The following ADAMTS19 variants were observed in gnomAD, a reference collection of about 807,000 sequenced individuals.
ADAMTS19 encodes ADAM metallopeptidase with thrombospondin type 1 motif 19, also known as A disintegrin and metalloproteinase with thrombospondin motifs 19.
ADAMTS19 carries 93 observed loss-of-function variants against 153.3 expected under a neutral mutation model. That is an observed-to-expected ratio of 0.61 (90% CI 0.51 to 0.72). ADAMTS19 has a LOEUF of 0.72. ADAMTS19 is among the 30% of genes least tolerant of loss of function. The pLI, the probability that ADAMTS19 is intolerant of heterozygous loss-of-function variation, is 0.00. For missense variants in ADAMTS19, 1,482 were observed against 1,552.1 expected (o/e 0.95, Z 0.76); for synonymous variants, 600 against 556.6 (o/e 1.08, Z -1.10).
intron 3 of ADAMTS19, among the ~76,000 whole-genome samples, chr5:129,515,844 T>C (rs975022279): frequency 6.6e-6 from 1 of 151,900 alleles, no homozygotes; most frequent in African/African-American, 2.4e-5. Flanking sequence ...GTGGAGAGAG[T>C]GGGCATCCTT....
chr5:129,649,540 AGTGGTTGCCAGGGATTAG>A (rs1380012752), intron 13 of ADAMTS19, among the ~76,000 whole-genome samples: 9 of 152,158 alleles, frequency 5.9e-5, no homozygotes, highest in African/African-American at 1.9e-4. Flanking sequence ...CATACAAATT[AGTGGTTGCCAGGGATTAG>A]GGATGGTGGT....
At chr5:129,570,722 G>T (rs1249385553) in intron 7 of ADAMTS19, among the ~76,000 whole-genome samples, 1 of 151,634 alleles carries the variant, frequency 6.6e-6, no homozygotes, top group Non-Finnish European at 1.5e-5. Context: ...TAACAGAAGA[G>T]AATCAAGTGG....
At chr5:129,573,551 T>G (rs998488283) in intron 7 of ADAMTS19, among the ~76,000 whole-genome samples, 5 of 152,050 alleles carry the variant, frequency 3.3e-5, no homozygotes, top group African/African-American at 9.7e-5. Flanking sequence ...GCTTCCCATA[T>G]CTATATATTT....
At position 129,620,313 on chromosome 5, in the gene ADAMTS19, A is replaced by G. The variant is rs145039170; in HGVS notation, c.1479-305A>G. ...AATGTATTATTTCTGAGTTTCATAC[A>G]TACTATTATGCAAAGAATATATCTG... On this transcript the variant is annotated intron_variant, in intron 8 of 22. Coordinates refer to ENST00000274487, the MANE Select transcript of ADAMTS19 (RefSeq NM_133638.6). Among the ~76,000 whole-genome samples the G allele has an allele frequency of 4.8e-3, 728 of 152,186 alleles. 8 individuals are homozygous for G. Among genetic ancestry groups the G allele is most frequent in the African/African-American group, 0.016 (675 of 41,540 alleles).
At chr5:129,579,456 G>A (rs1428029807) in intron 7 of ADAMTS19, among the ~76,000 whole-genome samples, 1 of 152,110 alleles carries the variant, frequency 6.6e-6, no homozygotes, top group Non-Finnish European at 1.5e-5. Context: ...GATCCCATTT[G>A]TCAATTGTGC....
chr5:129,602,155 C>T (rs189480750), intron 8 of ADAMTS19, among the ~76,000 whole-genome samples: 7 of 152,314 alleles, frequency 4.6e-5, no homozygotes, highest in South Asian at 2.1e-4. Flanking sequence ...TGCAATGGCA[C>T]GATCTTGGCT....
chr5:129,661,332 T>C (rs1753805736), intron 15 of ADAMTS19, among the ~76,000 whole-genome samples: 1 of 152,238 alleles, frequency 6.6e-6, no homozygotes, highest in Admixed American at 6.5e-5. Context: ...TAATGAAATG[T>C]TAAATTTGTA....
chr5:129,720,171 T>TATATATATATATATATATA (rs1756928515), intron 21 of ADAMTS19, among the ~76,000 whole-genome samples: 1 of 130,350 alleles, frequency 7.7e-6, no homozygotes. Context: ...TATATATATA[T>TATATATATATATATATATA]TTATTTTTTT....
At chr5:129,592,005 T>G (rs1202329588) in intron 7 of ADAMTS19, among the ~76,000 whole-genome samples, 1 of 152,140 alleles carries the variant, frequency 6.6e-6, no homozygotes, top group African/African-American at 2.4e-5. Context: ...TTCAATTGAC[T>G]TCTTGTACAT....
At position 129,460,304 on chromosome 5, in the gene ADAMTS19, C is replaced by T; in HGVS notation, c.-88C>T. 1 of 1,152,956 alleles carries T rather than the reference C, an allele frequency of 8.7e-7. No homozygotes were observed. Among genetic ancestry groups the T allele is most frequent in the Non-Finnish European group, 1.3e-6 (1 of 797,444 alleles). 71.4% of individuals were successfully genotyped at this position (1,152,956 alleles called of 1,614,324 possible). On this transcript the variant is annotated 5_prime_UTR_variant, in exon 1 of 23. Transcript: ENST00000274487. ...CTGGGCAAATTCGCCGCCCGGCCTC[C>T]TAGCGCTCCGGGGAGGCCGCTGCGC... is the stretch of plus-strand genomic sequence containing the variant.
chr5:129,543,772 G>A (rs1440139017), intron 6 of ADAMTS19, among the ~76,000 whole-genome samples: 5 of 152,138 alleles, frequency 3.3e-5, no homozygotes, highest in Non-Finnish European at 7.3e-5. Context: ...TACTGGAGAA[G>A]TGTTCTCAGC....
chr5:129,615,547 T>C (rs145135982), intron 8 of ADAMTS19, among the ~76,000 whole-genome samples: 61 of 152,086 alleles, frequency 4.0e-4, no homozygotes, highest in African/African-American at 1.4e-3. Context: ...ATGCAAGTGG[T>C]TCATTATTAA....
chr5:129,480,642 G>A (rs994297261), intron 2 of ADAMTS19, among the ~76,000 whole-genome samples: 1 of 152,060 alleles, frequency 6.6e-6, no homozygotes, highest in Non-Finnish European at 1.5e-5. Context: ...GAAAAAGATG[G>A]ATAATATTAT....
intron 7 of ADAMTS19, among the ~76,000 whole-genome samples, chr5:129,588,138 G>A (rs910316137): frequency 2.0e-5 from 3 of 152,010 alleles, no homozygotes; most frequent in Non-Finnish European, 2.9e-5. Context: ...GAATGGATAC[G>A]TTTACTTCTA....
chr5:129,562,750 T>A (rs1273155354), intron 7 of ADAMTS19, among the ~76,000 whole-genome samples: 1 of 152,186 alleles, frequency 6.6e-6, no homozygotes, highest in Non-Finnish European at 1.5e-5. Context: ...ATAAGTTTCC[T>A]GCTGTGAATA....
intron 7 of ADAMTS19, among the ~76,000 whole-genome samples, chr5:129,578,559 T>G (rs1581106026): frequency 6.6e-6 from 1 of 151,966 alleles, no homozygotes; most frequent in Non-Finnish European, 1.5e-5. Context: ...ACCCGTCATC[T>G]ATGTTAGGTA....
intron 6 of ADAMTS19, among the ~76,000 whole-genome samples, chr5:129,541,050 T>C (rs540641303): frequency 2.0e-5 from 3 of 152,182 alleles, no homozygotes; most frequent in African/African-American, 7.2e-5. Context: ...TGCAAAGAAG[T>C]TGATTATTGG....
Position 129,737,345 on chromosome 5 carries a change from T to C in ADAMTS19, c.*127T>C. ...ATTTAATCAAATTAATTTATTTTTTTGCCTGCCAAACATCCAATGTGGTGC... is the reference window on the plus strand; with the variant it reads ...ATTTAATCAAATTAATTTATTTTTTCGCCTGCCAAACATCCAATGTGGTGC... On this transcript the variant is annotated 3_prime_UTR_variant, in exon 23 of 23. Transcript: ENST00000274487. The C allele has an allele frequency of 9.3e-7, 1 of 1,071,610 alleles. No individual in the cohort carries two copies. The highest frequency in any genetic ancestry group is 1.2e-6 in the Non-Finnish European group (1 of 816,452). 66.4% of individuals were successfully genotyped at this position (1,071,610 alleles called of 1,614,324 possible).
At chr5:129,616,497 T>C (rs1433749962) in intron 8 of ADAMTS19, among the ~76,000 whole-genome samples, 1 of 152,036 alleles carries the variant, frequency 6.6e-6, no homozygotes, top group Non-Finnish European at 1.5e-5. Context: ...TTCTCCTCCC[T>C]AATTCTTTGA....
Sources: allele counts gnomAD v4.1 joint callset (sites outside exome capture counted in the v4.1 genomes callset), GRCh38; gene constraint gnomAD v4.1.1; transcripts MANE v1.5; gene names NCBI Gene and HGNC (gene_info 2026-07-23, HGNC 2026-07-21).